ZDHHC2: variants seen among roughly 807,000 people sequenced by gnomAD.
ZDHHC2 encodes the protein zDHHC palmitoyltransferase 2.
A neutral mutation model predicts 55.6 loss-of-function variants in ZDHHC2; 51 were observed. The ratio of observed to expected loss-of-function variants is 0.92; its 90% CI spans 0.73 to 1.16. The LOEUF (loss-of-function observed/expected upper bound fraction) is 1.16. ZDHHC2 is among the 50% of genes most tolerant of loss of function. The pLI is 0.00. For missense variants in ZDHHC2, 491 were observed against 442.4 expected (o/e 1.11, Z -0.99); for synonymous variants, 199 against 152.9 (o/e 1.30, Z -2.22).
rs1047549903 is a variant in ZDHHC2 at position 17,195,512 on chromosome 8, C to G, written c.261C>G (p.Leu87=). Reference sequence around the variant, plus strand: ...TTAAATGTATTCCACAGTTCCATCTCTCTTATGCAGAGAAAGATTTGTTGG... The same window carrying G: ...TTAAATGTATTCCACAGTTCCATCTGTCTTATGCAGAGAAAGATTTGTTGG... ...LPMNPSKEFH[L]SYAEKDLLER... The change falls in exon 4 of 13, where the codon CTC becomes CTG. Residue 87 remains leucine, a synonymous_variant. Coordinates refer to ENST00000262096, the MANE Select transcript of ZDHHC2 (RefSeq NM_016353.5). 5 of 1,613,048 alleles carry G rather than the reference C, an allele frequency of 3.1e-6. No individual in the cohort carries two copies. Among genetic ancestry groups the G allele is most frequent in the African/African-American group, 1.3e-5 (1 of 74,926 alleles).
In ZDHHC2 at chr8:17,184,778, T is replaced by G. The variant is rs1171373551; in HGVS notation, c.131-11T>G. 6.5e-6 allele frequency: 10 copies of G among 1,549,288 alleles called. No homozygotes were observed. Among genetic ancestry groups the G allele is most frequent in the Non-Finnish European group, 8.7e-6 (10 of 1,146,066 alleles). On this transcript the variant is annotated splice_polypyrimidine_tract_variant and intron_variant, in intron 1 of 12. Coordinates refer to ENST00000262096, the MANE Select transcript of ZDHHC2 (RefSeq NM_016353.5). ...CTTCATGTAACCTATTACCTTTTTT[T>G]CTCTTTACAGTGTCCATGGAAAACA... is the stretch of plus-strand genomic sequence containing the variant.
intron 1 of ZDHHC2, among the ~76,000 whole-genome samples, chr8:17,179,075 C>T (rs1219117764): frequency 3.3e-5 from 5 of 152,148 alleles, no homozygotes; most frequent in Non-Finnish European, 5.9e-5. Context: ...CTCAGCCTCC[C>T]GAGTAGCTGG....
intron 3 of ZDHHC2, among the ~76,000 whole-genome samples, chr8:17,191,795 C>G (rs1295688264): frequency 6.6e-6 from 1 of 152,128 alleles, no homozygotes; most frequent in African/African-American, 2.4e-5. Context: ...TGCAGATTAT[C>G]TCTTTAACAT....
chr8:17,194,027 C>G (rs1806179643), intron 3 of ZDHHC2, among the ~76,000 whole-genome samples: 1 of 152,158 alleles, frequency 6.6e-6, no homozygotes, highest in Non-Finnish European at 1.5e-5. Context: ...GTTTGGTTTT[C>G]TGTTCTTGTA....
intron 6 of ZDHHC2, among the ~76,000 whole-genome samples, chr8:17,199,546 TG>T (rs1481676208): frequency 7.1e-4 from 29 of 40,660 alleles, no homozygotes; most frequent in South Asian, 2.6e-3. Context: ...CTTCGTCTTC[TG>T]TCTTCGTCTT....
intron 1 of ZDHHC2, among the ~76,000 whole-genome samples, chr8:17,163,426 G>A (rs1198093809): frequency 6.6e-6 from 1 of 152,128 alleles, no homozygotes; most frequent in Admixed American, 6.5e-5. Flanking sequence ...GGGGAAAAAA[G>A]ACAAATGTAT....
chr8:17,170,932 A>G (rs544209365), intron 1 of ZDHHC2, among the ~76,000 whole-genome samples: 2 of 152,338 alleles, frequency 1.3e-5, no homozygotes, highest in Admixed American at 1.3e-4. Flanking sequence ...GGCACTTCCA[A>G]TTCTAAAATT....
intron 1 of ZDHHC2, among the ~76,000 whole-genome samples, chr8:17,176,902 T>C (rs1001940590): frequency 2.0e-5 from 3 of 151,760 alleles, no homozygotes; most frequent in African/African-American, 7.3e-5. Context: ...ATAAAGAAAA[T>C]AAATTCAAAA....
At chr8:17,173,469 A>T (rs1364762383) in intron 1 of ZDHHC2, among the ~76,000 whole-genome samples, 6 of 152,134 alleles carry the variant, frequency 3.9e-5, no homozygotes, top group Non-Finnish European at 5.9e-5. Context: ...TGAGCCCAGG[A>T]GTTCAAGAAC....
chr8:17,173,309 C>T (rs867116625), intron 1 of ZDHHC2, among the ~76,000 whole-genome samples: 7 of 152,292 alleles, frequency 4.6e-5, no homozygotes, highest in African/African-American at 1.7e-4. Context: ...AGACTGTCTT[C>T]TCAGCATTTG....
At chr8:17,178,188 C>T (rs1282635624) in intron 1 of ZDHHC2, among the ~76,000 whole-genome samples, 1 of 152,096 alleles carries the variant, frequency 6.6e-6, no homozygotes, top group African/African-American at 2.4e-5. Context: ...TACTAGGCTG[C>T]TGTATCTCAT....
intron 1 of ZDHHC2, among the ~76,000 whole-genome samples, chr8:17,176,759 G>A (rs933683085): frequency 6.6e-6 from 1 of 151,958 alleles, no homozygotes; most frequent in Non-Finnish European, 1.5e-5. Context: ...TGAGTTTGGA[G>A]AGAAAGGCAG....
chr8:17,159,262 T>A (rs1206515994), intron 1 of ZDHHC2, among the ~76,000 whole-genome samples: 2 of 152,194 alleles, frequency 1.3e-5, no homozygotes, highest in South Asian at 2.1e-4. Flanking sequence ...TTGAAGATTC[T>A]TTTTCTCTTG....
chr8:17,207,143 A>G (rs1158510309), intron 7 of ZDHHC2, among the ~76,000 whole-genome samples: 2 of 152,218 alleles, frequency 1.3e-5, no homozygotes, highest in African/African-American at 4.8e-5. Flanking sequence ...ACTGTCAGTG[A>G]GGTCTTGTGA....
intron 1 of ZDHHC2, among the ~76,000 whole-genome samples, chr8:17,158,236 C>T (rs1417430708): frequency 6.6e-6 from 1 of 152,138 alleles, no homozygotes; most frequent in Non-Finnish European, 1.5e-5. Flanking sequence ...AACTGTTAAT[C>T]TTAAAATAGC....
At chr8:17,169,823 A>G (rs190755825) in intron 1 of ZDHHC2, among the ~76,000 whole-genome samples, 103 of 152,340 alleles carry the variant, frequency 6.8e-4, no homozygotes, top group African/African-American at 2.3e-3. Flanking sequence ...CTCATTCCAA[A>G]TATTGATGAC....
intron 3 of ZDHHC2, among the ~76,000 whole-genome samples, chr8:17,195,262 A>G (rs1422502788): frequency 2.0e-5 from 3 of 152,200 alleles, no homozygotes; most frequent in African/African-American, 7.2e-5. Flanking sequence ...TGAGTTACAC[A>G]AAAACCAGAG....
At chr8:17,171,040 G>A (rs1014859753) in intron 1 of ZDHHC2, among the ~76,000 whole-genome samples, 4 of 152,112 alleles carry the variant, frequency 2.6e-5, no homozygotes, top group South Asian at 4.1e-4. Flanking sequence ...CAGGCAGATC[G>A]TTGTTGAGGG....
intron 1 of ZDHHC2, among the ~76,000 whole-genome samples, chr8:17,173,194 G>C (rs530950458): frequency 2.6e-4 from 39 of 152,336 alleles, no homozygotes; most frequent in African/African-American, 8.9e-4. Context: ...CGATGTCACA[G>C]ATCCTGGCAG....
Sources: allele counts gnomAD v4.1 joint callset (sites outside exome capture counted in the v4.1 genomes callset), GRCh38; gene constraint gnomAD v4.1.1; transcripts MANE v1.5; gene names NCBI Gene and HGNC (gene_info 2026-07-23, HGNC 2026-07-21).